The following MSH3 variants were observed in gnomAD, a reference collection of about 807,000 sequenced individuals.
MSH3 encodes the protein mutS homolog 3, also known as DNA mismatch repair protein Msh3.
Under a neutral mutation model 123.3 loss-of-function variants are expected in MSH3, and 106 were observed. The observed-to-expected ratio is 0.86, with a 90% CI of 0.73 to 1.01. The LOEUF (loss-of-function observed/expected upper bound fraction) is 1.01. MSH3 is among the 50% of genes least tolerant of loss of function. The pLI is 0.00. For synonymous variants in MSH3, 515 were observed against 481.4 expected, an observed-to-expected ratio of 1.07 and a Z score of -0.91; for missense variants, 1,459 against 1,347.6, an observed-to-expected ratio of 1.08 and a Z score of -1.29.
chr5:80,767,584 T>C (rs372255408), intron 13 of MSH3, among the ~76,000 whole-genome samples: 1 of 152,282 alleles, frequency 6.6e-6, no homozygotes, highest in African/African-American at 2.4e-5. Context: ...CCTATTATGT[T>C]TGGGAGAATT....
At chr5:80,765,961 T>C (rs996341889) in intron 13 of MSH3, among the ~76,000 whole-genome samples, 1 of 152,210 alleles carries the variant, frequency 6.6e-6, no homozygotes, top group African/African-American at 2.4e-5. Context: ...TTCTAGGTTT[T>C]AGATGACTTC....
chr5:80,824,397 G>A (rs1245486891), intron 20 of MSH3, among the ~76,000 whole-genome samples: 1 of 150,410 alleles, frequency 6.6e-6, no homozygotes, highest in Non-Finnish European at 1.5e-5. Context: ...GACGGGGGCT[G>A]CCCCCCACCT....
chr5:80,817,050 TGACA>T (rs1745116031), intron 20 of MSH3, among the ~76,000 whole-genome samples: 1 of 152,168 alleles, frequency 6.6e-6, no homozygotes, highest in African/African-American at 2.4e-5. Context: ...GAGATCATCT[TGACA>T]GACAGTATGG....
chr5:80,876,635 AAAAAAAG>A lies in MSH3; in HGVS notation c.*785_*791del, dbSNP rs1462162866. 4.5e-5 allele frequency among the ~76,000 whole-genome samples: 5 copies of A among 111,770 alleles called. No homozygotes were observed. The highest frequency in any genetic ancestry group is 7.7e-5 in the Non-Finnish European group (4 of 51,878). 73.3% of individuals were successfully genotyped at this position (111,770 alleles called of 152,430 possible). A position where few individuals can be genotyped will look rare whatever the true frequency, so the allele number is the denominator to read the frequency against. On this transcript the variant is annotated 3_prime_UTR_variant, in exon 24 of 24. Transcript: ENST00000265081. ...CAGAGCAAGACTCCATCTCAAAAAA[AAAAAAAG>A]AAAAAAGAAAAGAAATAGAATTATC...
chr5:80,677,772 T>G (rs1749875305), intron 7 of MSH3, among the ~76,000 whole-genome samples: 1 of 152,208 alleles, frequency 6.6e-6, no homozygotes, highest in African/African-American at 2.4e-5. Flanking sequence ...TTCTTTTGGG[T>G]TTTGCTCCTT....
intron 9 of MSH3, 26 bp from the exon 10 acceptor site, chr5:80,728,825 A>G: frequency 8.4e-7 from 1 of 1,189,262 alleles, no homozygotes; most frequent in Non-Finnish European, 1.2e-6. Context: ...AATTTTTATA[A>G]CAAGTTAATA....
rs145993273 is a variant in MSH3, at chr5:80,759,148, T to C, written c.1764-2398T>C. ...ACTGTTTATTGAGCACAAATTGTTA[T>C]CCTGAAATGTAGGGATAAGAAATGA... On this transcript the variant is annotated intron_variant, in intron 12 of 23. Coordinates refer to ENST00000265081, the MANE Select transcript of MSH3 (RefSeq NM_002439.5). 3.7e-3 allele frequency among the ~76,000 whole-genome samples: 558 copies of C among 152,342 alleles called. 6 individuals carry two copies. Among genetic ancestry groups the C allele is most frequent in the Non-Finnish European group, 5.5e-3 (372 of 68,030 alleles).
At chr5:80,749,911 A>G (rs543897332) in intron 12 of MSH3, among the ~76,000 whole-genome samples, 1 of 152,044 alleles carries the variant, frequency 6.6e-6, no homozygotes, top group Admixed American at 6.6e-5. Flanking sequence ...TCTGATCTCT[A>G]CTTCTATGAG....
At chr5:80,673,656 T>G (rs548246594) in intron 6 of MSH3, among the ~76,000 whole-genome samples, 6 of 152,356 alleles carry the variant, frequency 3.9e-5, no homozygotes, top group African/African-American at 1.4e-4. Context: ...AATTGTTAAC[T>G]TTATAAAAAT....
chr5:80,822,926 C>G (rs1745226045), intron 20 of MSH3, among the ~76,000 whole-genome samples: 1 of 152,212 alleles, frequency 6.6e-6, no homozygotes, highest in Non-Finnish European at 1.5e-5. Context: ...AAAGAACAAC[C>G]ACCAAATTTG....
chr5:80,735,901 G>A (rs1326860702), intron 10 of MSH3, among the ~76,000 whole-genome samples: 2 of 152,096 alleles, frequency 1.3e-5, no homozygotes, highest in Non-Finnish European at 2.9e-5. Flanking sequence ...ATGTATACAT[G>A]CCAGAAAATC....
intron 8 of MSH3, among the ~76,000 whole-genome samples, chr5:80,688,226 A>C (rs556167565): frequency 1.3e-5 from 2 of 152,264 alleles, no homozygotes; most frequent in East Asian, 1.9e-4. Flanking sequence ...GCTTGAACAC[A>C]TAAGTGCTTC....
At chr5:80,757,601 A>G (rs1366858252) in intron 12 of MSH3, among the ~76,000 whole-genome samples, 2 of 152,132 alleles carry the variant, frequency 1.3e-5, no homozygotes, top group Non-Finnish European at 2.9e-5. Flanking sequence ...TGTTTGGTAT[A>G]TGGAATGAAA....
chr5:80,665,252 G>A lies in MSH3; in HGVS notation c.468G>A (p.Leu156=). ...LPQSRVQTES[L]QERFAVLPKC... ...AAAGTAGAGTCCAGACAGAATCTCT[G>A]CAGGAGAGATTTGCAGTTCTGCCAA... Residue 156 remains leucine, a synonymous_variant, in exon 3 of 24, where the codon CTG becomes CTA. Transcript: ENST00000265081. 6.2e-7 allele frequency: 1 copy of A among 1,613,510 alleles called. No homozygotes were observed. The highest frequency in any genetic ancestry group is 8.5e-7 in the Non-Finnish European group (1 of 1,179,470).
rs147112587 is a variant in MSH3 at position 80,856,308 on chromosome 5, T to C, written c.3000+1992T>C. ...GTTTTTTTTAAGGAATTTTTTGTTT[T>C]GCTTTAAAAAATTTATTTGCAAAAA... On this transcript the variant is annotated intron_variant, in intron 21 of 23. Coordinates refer to ENST00000265081, the MANE Select transcript of MSH3 (RefSeq NM_002439.5). 2.0e-4 allele frequency among the ~76,000 whole-genome samples: 30 copies of C among 152,190 alleles called. No homozygotes were observed. The East Asian group carries it at 5.8e-3, about 29-fold the overall frequency.
chr5:80,843,920 T>C (rs1745672016), intron 20 of MSH3, among the ~76,000 whole-genome samples: 1 of 151,884 alleles, frequency 6.6e-6, no homozygotes, highest in African/African-American at 2.4e-5. Context: ...CTGATCTTAG[T>C]TATTTCTTGC....
intron 22 of MSH3, among the ~76,000 whole-genome samples, chr5:80,868,860 CAG>C (rs1041442547): frequency 6.6e-6 from 1 of 151,908 alleles, no homozygotes; most frequent in African/African-American, 2.4e-5. Context: ...CCATTTCACT[CAG>C]AATTTTGAAG....
chr5:80,778,120 A>G (rs1399943805), intron 16 of MSH3, among the ~76,000 whole-genome samples: 1 of 152,164 alleles, frequency 6.6e-6, no homozygotes, highest in African/African-American at 2.4e-5. Context: ...TGCTCTAGCT[A>G]CTGAACAGAG....
intron 9 of MSH3, among the ~76,000 whole-genome samples, chr5:80,725,966 T>C (rs150690140): frequency 1.6e-3 from 238 of 152,358 alleles, no homozygotes; most frequent in Admixed American, 3.9e-3. Flanking sequence ...CCTTTTTGCT[T>C]ATCTTTAAAG....
Sources: allele counts gnomAD v4.1 joint callset (sites outside exome capture counted in the v4.1 genomes callset), GRCh38; gene constraint gnomAD v4.1.1; transcripts MANE v1.5; gene names NCBI Gene and HGNC (gene_info 2026-07-23, HGNC 2026-07-21).